CHST10: variants seen among roughly 807,000 people sequenced by gnomAD.
CHST10 encodes the protein HNK-1 sulfotransferase.
In CHST10, 24 loss-of-function variants were observed where a neutral mutation model predicts 34.7. The ratio of observed to expected loss-of-function variants is 0.69; its 90% CI spans 0.50 to 0.97. The LOEUF (loss-of-function observed/expected upper bound fraction) is 0.97, where lower values mean the gene tolerates loss of function less well. Among genes scored for constraint, CHST10 ranks in the 50% least tolerant of loss-of-function variants. CHST10 has a pLI of 0.00. For synonymous variants in CHST10, 161 were observed against 169.3 expected (o/e 0.95, Z 0.38); for missense variants, 402 against 452.1 (o/e 0.89, Z 1.00).
At chr2:100,407,832 C>T (rs1413984727) in intron 2 of CHST10, 9 of 152,162 alleles carry the variant, frequency 5.9e-5, no homozygotes, top group African/African-American at 2.2e-4. Flanking sequence ...GGCTCGCAAA[C>T]CACCCTCAGG....
rs567050753 is a variant in CHST10, at chr2:100,393,006, C to A, written c.*239G>T. Reference sequence around the variant, plus strand: ...TTCTCCCCTCTGAGGTGAGCAAAGGCCAGCGACATCCTAATGCACGCAGGG... The same window carrying A: ...TTCTCCCCTCTGAGGTGAGCAAAGGACAGCGACATCCTAATGCACGCAGGG... On this transcript the variant is annotated 3_prime_UTR_variant, in exon 7 of 7. Coordinates refer to ENST00000264249, the MANE Select transcript of CHST10 (RefSeq NM_004854.5). The A allele has an allele frequency of 5.4e-6, 3 of 560,490 alleles. No individual in the cohort carries two copies. Among genetic ancestry groups the A allele is most frequent in the Admixed American group, 6.1e-5 (2 of 32,642 alleles). The allele number at this position is 560,490 out of a possible 1,614,324, so 34.7% of individuals were successfully genotyped here. A position where few individuals can be genotyped will look rare whatever the true frequency, so the allele number is the denominator to read the frequency against.
intron 4 of CHST10, among the ~76,000 whole-genome samples, chr2:100,400,828 G>A (rs1329520215): frequency 6.6e-6 from 1 of 152,074 alleles, no homozygotes; most frequent in Non-Finnish European, 1.5e-5. Flanking sequence ...ACAGGCACAT[G>A]CCACCACACC....
Position 100,395,555 on chromosome 2 carries a change from C to T in CHST10, c.487G>A (p.Gly163Ser), listed in dbSNP as rs761530156. 25 of 1,613,920 alleles carry T rather than the reference C, an allele frequency of 1.5e-5. No individual in the cohort carries two copies. Among genetic ancestry groups the T allele is most frequent in the Admixed American group, 5.0e-5 (3 of 60,008 alleles). The change falls in exon 6 of 7, where the codon GGC becomes AGC. Residue 163 changes from glycine (G) to serine (S), a missense_variant. Transcript: ENST00000264249. Reference protein sequence around the residue: ...ENVVHDHEKNGLPRLSSFSDA... With the variant: ...ENVVHDHEKNSLPRLSSFSDA... ...CTGAAGGAAGAGAGCCGAGGAAGGCCGTTCTTCTCGTGGTCGTGCACCACG... is the reference window on the plus strand; with the variant it reads ...CTGAAGGAAGAGAGCCGAGGAAGGCTGTTCTTCTCGTGGTCGTGCACCACG...
chr2:100,409,980 G>A (rs1441988383), intron 2 of CHST10, among the ~76,000 whole-genome samples: 1 of 152,170 alleles, frequency 6.6e-6, no homozygotes, highest in African/African-American at 2.4e-5. Context: ...GATGGTACCA[G>A]GACACGTGGA....
intron 3 of CHST10, among the ~76,000 whole-genome samples, chr2:100,404,673 C>T (rs6758622): frequency 0.13 from 20,303 of 152,168 alleles, 3,492 homozygotes; most frequent in African/African-American, 0.39. Flanking sequence ...TTACCAGATG[C>T]CGCTGGGAAA....
chr2:100,417,258 C>G (rs1676104764), intron 1 of CHST10, 116 bp downstream of exon 1: 1 of 362,580 alleles, frequency 2.8e-6, no homozygotes, highest in Non-Finnish European at 5.5e-6. Context: ...CAAAACACAC[C>G]GGGATGTGGC....
intron 2 of CHST10, among the ~76,000 whole-genome samples, chr2:100,407,503 C>T (rs916530396): frequency 2.6e-5 from 4 of 152,170 alleles, no homozygotes; most frequent in African/African-American, 9.7e-5. Flanking sequence ...AGACCCTGGG[C>T]TGAGCTGGCT....
chr2:100,399,529 G>A (rs1675239918), intron 4 of CHST10, among the ~76,000 whole-genome samples: 1 of 152,174 alleles, frequency 6.6e-6, no homozygotes, highest in Non-Finnish European at 1.5e-5. Context: ...GGGCTTGCCA[G>A]GAAATCCATT....
At position 100,406,696 on chromosome 2, in the gene CHST10, C is replaced by A. The variant is rs1675594853; in HGVS notation, c.-21G>T. The A allele has an allele frequency of 6.2e-7, 1 of 1,613,054 alleles. No homozygotes were observed. Among genetic ancestry groups the A allele is most frequent in the Admixed American group, 1.7e-5 (1 of 59,956 alleles). On this transcript the variant is annotated 5_prime_UTR_variant, in exon 3 of 7. Transcript: ENST00000264249. ...TGCATGTTGTCACACCGCAGCCATT[C>A]ACTGACTCTTCCTGGAAAACACAAG...
At chr2:100,398,592 T>G (rs1375198762) in intron 4 of CHST10, among the ~76,000 whole-genome samples, 1 of 152,060 alleles carries the variant, frequency 6.6e-6, no homozygotes, top group Non-Finnish European at 1.5e-5. Flanking sequence ...TAATCCCAGC[T>G]ACTTAGGAGG....
chr2:100,416,982 C>G, intron 1 of CHST10: 1 of 1,304,228 alleles, frequency 7.7e-7, no homozygotes, highest in Non-Finnish European at 1.0e-6. Context: ...CCTGACTCCC[C>G]TCGCACCGAA....
chr2:100,405,055 G>A (rs535205139), intron 3 of CHST10, among the ~76,000 whole-genome samples: 3 of 152,308 alleles, frequency 2.0e-5, no homozygotes, highest in East Asian at 1.9e-4. Flanking sequence ...GAAGTGCTGC[G>A]GGGATGAGAA....
At chr2:100,401,617 C>T (rs901300077) in intron 4 of CHST10, among the ~76,000 whole-genome samples, 2 of 152,114 alleles carry the variant, frequency 1.3e-5, no homozygotes, top group South Asian at 2.1e-4. Context: ...TTTTTGGTTT[C>T]GTTTCTGTAC....
intron 2 of CHST10, chr2:100,407,662 C>T (rs1231296681): frequency 6.6e-6 from 1 of 152,214 alleles, no homozygotes; most frequent in East Asian, 1.9e-4. Flanking sequence ...AATCACTCTC[C>T]TTGTCTCAAC....
chr2:100,410,591 C>T (rs1355488003), intron 2 of CHST10, among the ~76,000 whole-genome samples: 1 of 152,196 alleles, frequency 6.6e-6, no homozygotes, highest in African/African-American at 2.4e-5. Context: ...TGAGGGTCTC[C>T]AGGCTTTTTC....
Position 100,406,719 on chromosome 2 carries a change from A to T in CHST10, c.-32-12T>A. On this transcript the variant is annotated splice_polypyrimidine_tract_variant and intron_variant, in intron 2 of 6. Transcript: ENST00000264249. ...TTCACTGACTCTTCCTGGAAAACACAAGCGAGATGCCCCTGCTGCTTACAA... is the reference window on the plus strand; with the variant it reads ...TTCACTGACTCTTCCTGGAAAACACTAGCGAGATGCCCCTGCTGCTTACAA... The T allele has an allele frequency of 1.2e-6, 2 of 1,611,562 alleles. No homozygotes were observed. The highest frequency in any genetic ancestry group is 1.7e-6 in the Non-Finnish European group (2 of 1,178,890).
chr2:100,399,985 C>T (rs1373574362), intron 4 of CHST10, among the ~76,000 whole-genome samples: 8 of 152,170 alleles, frequency 5.3e-5, no homozygotes, highest in Admixed American at 3.3e-4. Flanking sequence ...GAACGGGTCT[C>T]GTTTAACCTC....
intron 1 of CHST10, chr2:100,417,159 T>G (rs1244558933): frequency 5.7e-6 from 5 of 883,678 alleles, no homozygotes; most frequent in Non-Finnish European, 8.1e-6. Context: ...GGTCACAGCA[T>G]CCCGCACAAG....
intron 5 of CHST10, among the ~76,000 whole-genome samples, chr2:100,395,945 G>C (rs1045988677): frequency 6.6e-6 from 1 of 152,154 alleles, no homozygotes; most frequent in Admixed American, 6.5e-5. Context: ...GAGGAAGATC[G>C]CTGCATGCAA....
Sources: gnomAD v4.1 joint callset for allele counts (sites outside exome capture counted in the v4.1 genomes callset) on GRCh38, gnomAD v4.1.1 for gene constraint, MANE v1.5 for transcripts, NCBI Gene and HGNC (gene_info 2026-07-23, HGNC 2026-07-21) for gene names.